PGAP3: variants seen among roughly 807,000 people sequenced by gnomAD.
The protein encoded by PGAP3 is GPI-specific phospholipase A2-like PGAP3.
PGAP3 carries 31 observed loss-of-function variants against 40.3 expected under a neutral mutation model. The observed-to-expected ratio is 0.77, with a 90% CI of 0.58 to 1.04. The LOEUF is 1.04. Ranked by LOEUF, PGAP3 falls within the 50% of genes least tolerant of loss-of-function variation. PGAP3 has a pLI of 0.00. For missense variants in PGAP3, 413 were observed against 423.0 expected (o/e 0.98, Z 0.21); for synonymous variants, 191 against 184.5 (o/e 1.04, Z -0.29).
At position 39,681,487 on chromosome 17, in the gene PGAP3, T is replaced by C. The variant is rs574665554; in HGVS notation, c.432+3110A>G. Among the ~76,000 whole-genome samples, 4 of 152,262 alleles carry C rather than the reference T, an allele frequency of 2.6e-5. No individual in the cohort carries two copies. The East Asian group carries it at 5.8e-4, about 22-fold the overall frequency. On this transcript the variant is annotated intron_variant, in intron 3 of 7. Transcript: ENST00000300658. Reference sequence around the variant, plus strand: ...CAGACAAAAATGAAGTCACTCATGCTAAATGCCACATAATCAAACTGAAAC... The same window carrying C: ...CAGACAAAAATGAAGTCACTCATGCCAAATGCCACATAATCAAACTGAAAC...
At chr17:39,680,711 G>A (rs2057428722) in intron 3 of PGAP3, among the ~76,000 whole-genome samples, 1 of 152,138 alleles carries the variant, frequency 6.6e-6, no homozygotes, top group Non-Finnish European at 1.5e-5. Flanking sequence ...CTGCCCCTCC[G>A]GCTACTCCTT....
intron 3 of PGAP3, among the ~76,000 whole-genome samples, chr17:39,683,019 C>T (rs1017971212): frequency 3.3e-5 from 5 of 151,916 alleles, no homozygotes; most frequent in Admixed American, 6.6e-5. Context: ...GAGGTTGCAG[C>T]GAGCCAAGAT....
chr17:39,684,585 T>A lies in PGAP3; in HGVS notation c.432+12A>T. The A allele has an allele frequency of 6.2e-7, 1 of 1,605,184 alleles. No homozygotes were observed. Among genetic ancestry groups the A allele is most frequent in the Non-Finnish European group, 8.5e-7 (1 of 1,175,486 alleles). On this transcript the variant is annotated intron_variant, in intron 3 of 7. Coordinates refer to ENST00000300658, the MANE Select transcript of PGAP3 (RefSeq NM_033419.5). Reference sequence around the variant, plus strand: ...TAAGAGGAGACAGCAGGAGTCCTGCTAGGTTACCTACCCAGGCGAAGGCCA... The same window carrying A: ...TAAGAGGAGACAGCAGGAGTCCTGCAAGGTTACCTACCCAGGCGAAGGCCA...
At chr17:39,675,766 G>A (rs1036165344) in intron 3 of PGAP3, among the ~76,000 whole-genome samples, 5 of 152,174 alleles carry the variant, frequency 3.3e-5, no homozygotes, top group African/African-American at 1.2e-4. Flanking sequence ...GGGAGGAGAA[G>A]GGGTACAGGC....
chr17:39,685,856 C>A, intron 2 of PGAP3, 66 bp downstream of exon 2: 1 of 1,459,376 alleles, frequency 6.9e-7, no homozygotes, highest in Non-Finnish European at 9.5e-7. Flanking sequence ...ACAGTGTGGT[C>A]CAACCAGGGG....
intron 1 of PGAP3, among the ~76,000 whole-genome samples, chr17:39,686,562 T>TA (rs2057533439): frequency 6.7e-6 from 1 of 148,990 alleles, no homozygotes. Flanking sequence ...GGCATTTTTT[T>TA]TTTTTTTTTT....
At chr17:39,677,920 AT>A (rs1215198588) in intron 3 of PGAP3, among the ~76,000 whole-genome samples, 1 of 152,176 alleles carries the variant, frequency 6.6e-6, no homozygotes, top group Non-Finnish European at 1.5e-5. Context: ...GGGGCTTAAA[AT>A]AGCTCAGTGT....
chr17:39,683,106 C>T (rs1464274239), intron 3 of PGAP3, among the ~76,000 whole-genome samples: 1 of 150,270 alleles, frequency 6.7e-6, no homozygotes, highest in Non-Finnish European at 1.5e-5. Context: ...AAATAAAATC[C>T]CTCCGTACTT....
At chr17:39,683,871 T>A (rs558133495) in intron 3 of PGAP3, among the ~76,000 whole-genome samples, 1 of 152,172 alleles carries the variant, frequency 6.6e-6, no homozygotes, top group South Asian at 2.1e-4. Context: ...ACAACTGTAA[T>A]CCCTGCACTT....
chr17:39,686,944 C>T (rs912782622), intron 1 of PGAP3, among the ~76,000 whole-genome samples: 3 of 152,140 alleles, frequency 2.0e-5, no homozygotes, highest in Admixed American at 1.3e-4. Flanking sequence ...TATCTTACTC[C>T]CTTCCTATGA....
chr17:39,688,009 G>T lies in PGAP3; in HGVS notation c.6C>A (p.Ala2=). The part of the protein sequence containing the change: M[A]GLAARLVLLA... ...GCAGGACCAACCGCGCCGCCAGGCC[G>T]GCCATCCTTTCTCCCTGGCTCGCCG... Residue 2 remains alanine, a synonymous_variant, in exon 1 of 8, where the codon GCC becomes GCA. Transcript: ENST00000300658. The T allele has an allele frequency of 1.4e-6, 2 of 1,406,556 alleles. No homozygotes were observed. The highest frequency in any genetic ancestry group is 1.5e-5 in the South Asian group (1 of 68,430). 87.1% of individuals were successfully genotyped at this position (1,406,556 alleles called of 1,614,324 possible).
intron 3 of PGAP3, among the ~76,000 whole-genome samples, chr17:39,682,884 C>T (rs1054743708): frequency 1.3e-5 from 2 of 152,052 alleles, no homozygotes; most frequent in Non-Finnish European, 2.9e-5. Context: ...CAAGACCAGC[C>T]TGGCCAACAT....
At position 39,687,901 on chromosome 17, in the gene PGAP3, C is replaced by G. The variant is rs752032433; in HGVS notation, c.114G>C (p.Glu38Asp). 1.7e-5 allele frequency: 26 copies of G among 1,513,474 alleles called. No individual in the cohort carries two copies. Among genetic ancestry groups the G allele is most frequent in the Non-Finnish European group, 2.0e-5 (22 of 1,121,010 alleles). The allele number at this position is 1,513,474 out of a possible 1,614,324, so 93.8% of individuals were successfully genotyped here. ...VYRDCVLQCE[E>D]QNCSGGALNH... ...TCAGAGCGCCCCCAGAGCAGTTCTG[C>G]TCTTCGCACTGCAGTACGCAGTCGC... The change falls in exon 1 of 8, where the codon GAG (glutamate) becomes GAC (aspartate). Residue 38 changes from glutamate (E) to aspartate (D), a missense_variant. Glu to Asp is a conservative substitution (Grantham distance 45, BLOSUM62 2). Coordinates refer to ENST00000300658, the MANE Select transcript of PGAP3 (RefSeq NM_033419.5).
chr17:39,671,269 G>C lies in PGAP3; in HGVS notation c.*1534C>G, dbSNP rs1302258668. The stretch of plus-strand genomic sequence containing the variant: ...CCCCTCCCTCAAAGAGGGACAAGGG[G>C]TCAGGGGCAGAGCAAAAATCCAGTC... On this transcript the variant is annotated 3_prime_UTR_variant, in exon 8 of 8. Coordinates refer to ENST00000300658, the MANE Select transcript of PGAP3 (RefSeq NM_033419.5). The C allele has an allele frequency of 6.6e-6, 1 of 152,388 alleles. No homozygotes were observed. 9.4% of individuals were successfully genotyped at this position (152,388 alleles called of 1,614,324 possible).
intron 5 of PGAP3, 94 bp downstream of exon 5, chr17:39,673,899 A>C (rs1379233162): frequency 7.0e-7 from 1 of 1,434,632 alleles, no homozygotes; most frequent in Non-Finnish European, 9.7e-7. Context: ...AGGTGTTGGG[A>C]GACTAGTGAA....
chr17:39,683,208 C>G (rs926654713), intron 3 of PGAP3, among the ~76,000 whole-genome samples: 2 of 152,222 alleles, frequency 1.3e-5, no homozygotes, highest in Non-Finnish European at 2.9e-5. Flanking sequence ...CACACCCACT[C>G]TCTGATTTCC....
rs1267505969 is a variant in PGAP3 at position 39,685,910 on chromosome 17, C to G, written c.279+12G>C. Reference sequence around the variant, plus strand: ...GCTACTACCATATGCCTACCCTGACCCTCCAACTCACCTTGCCATGGAACT... The same window carrying G: ...GCTACTACCATATGCCTACCCTGACGCTCCAACTCACCTTGCCATGGAACT... On this transcript the variant is annotated intron_variant, in intron 2 of 7. Coordinates refer to ENST00000300658, the MANE Select transcript of PGAP3 (RefSeq NM_033419.5). 1 of 1,609,950 alleles carries G rather than the reference C, an allele frequency of 6.2e-7. No individual in the cohort carries two copies. The highest frequency in any genetic ancestry group is 2.2e-5 in the East Asian group (1 of 44,768).
At chr17:39,673,885 G>T in intron 5 of PGAP3, 108 bp downstream of exon 5, 1 of 1,362,708 alleles carries the variant, frequency 7.3e-7, no homozygotes, top group South Asian at 1.2e-5. Context: ...GGGTTGGGGG[G>T]CGTAGGTGTT....
intron 1 of PGAP3, 27 bp downstream of exon 1, chr17:39,687,807 G>C: frequency 7.3e-7 from 1 of 1,362,784 alleles, no homozygotes. Context: ...ACAAATGGGC[G>C]GGGCTTACCG....
Sources: allele counts gnomAD v4.1 joint callset (sites outside exome capture counted in the v4.1 genomes callset), GRCh38; gene constraint gnomAD v4.1.1; transcripts MANE v1.5; gene names NCBI Gene and HGNC (gene_info 2026-07-23, HGNC 2026-07-21).